CNTN5: variants seen among roughly 807,000 people sequenced by gnomAD.
CNTN5 encodes the protein contactin 5.
Under a neutral mutation model 129.1 loss-of-function variants are expected in CNTN5, and 77 were observed. The ratio of observed to expected loss-of-function variants is 0.60; its 90% CI spans 0.50 to 0.72. The LOEUF (loss-of-function observed/expected upper bound fraction) is 0.72. Among genes scored for constraint, CNTN5 ranks in the 30% least tolerant of loss-of-function variants. The pLI is 0.00. For missense variants in CNTN5, 1,478 were observed against 1,328.8 expected, an observed-to-expected ratio of 1.11 and a Z score of -1.75; for synonymous variants, 509 against 465.6, an observed-to-expected ratio of 1.09 and a Z score of -1.20.
At chr11:100,302,933 A>G (rs936724997) in intron 20 of CNTN5, among the ~76,000 whole-genome samples, 2 of 151,650 alleles carry the variant, frequency 1.3e-5, no homozygotes, top group African/African-American at 4.8e-5. Flanking sequence ...TGATCAATAA[A>G]TCACTTGGGA....
chr11:99,290,302 G>A (rs1385660625), intron 1 of CNTN5, among the ~76,000 whole-genome samples: 1 of 151,732 alleles, frequency 6.6e-6, no homozygotes, highest in Non-Finnish European at 1.5e-5. Flanking sequence ...AAATACTTGT[G>A]CTTGTAATTT....
chr11:99,282,839 A>T (rs1214258562), intron 1 of CNTN5, among the ~76,000 whole-genome samples: 1 of 152,040 alleles, frequency 6.6e-6, no homozygotes, highest in African/African-American at 2.4e-5. Flanking sequence ...GTAATGTCAG[A>T]CCTGGGAGTC....
intron 16 of CNTN5, among the ~76,000 whole-genome samples, chr11:100,231,510 G>A (rs1221420567): frequency 2.6e-5 from 4 of 152,126 alleles, no homozygotes; most frequent in South Asian, 2.1e-4. Flanking sequence ...GAGGGACACC[G>A]TATACTCTAG....
intron 2 of CNTN5, among the ~76,000 whole-genome samples, chr11:99,541,594 T>C (rs1233123504): frequency 6.6e-6 from 1 of 152,114 alleles, no homozygotes; most frequent in African/African-American, 2.4e-5. Flanking sequence ...AGGGAAATCC[T>C]CAAATCATGT....
rs139122684 is a variant in CNTN5 at position 99,235,286 on chromosome 11, A to G, written c.-209-90060A>G. On this transcript the variant is annotated intron_variant, in intron 1 of 24. Coordinates refer to ENST00000524871, the MANE Select transcript of CNTN5 (RefSeq NM_014361.4). Reference sequence around the variant, plus strand: ...AAAATAAAAGCAAGAAAAAATAAGGATATGTCTTTATTTGCTTTTATATAG... The same window carrying G: ...AAAATAAAAGCAAGAAAAAATAAGGGTATGTCTTTATTTGCTTTTATATAG... 1.1e-3 allele frequency among the ~76,000 whole-genome samples: 166 copies of G among 152,226 alleles called. 1 individual carries two copies. The highest frequency in any genetic ancestry group is 3.4e-3 in the African/African-American group (142 of 41,544).
rs373945124 is a variant in CNTN5 at position 100,299,362 on chromosome 11, T to C, written c.2586T>C (p.Phe862=). 1.6e-5 allele frequency: 26 copies of C among 1,609,160 alleles called. No homozygotes were observed. The African/African-American group carries it at 3.1e-4, about 19-fold the overall frequency. ...GVYNNKGDGP[F]SQIVVICSAE... ...ATAACAATAAAGGAGATGGGCCTTT[T>C]AGTCAAATTGTGGTCATCTGTTCAG... Residue 862 remains phenylalanine, a synonymous_variant, in exon 20 of 25, where the codon TTT becomes TTC. Coordinates refer to ENST00000524871, the MANE Select transcript of CNTN5 (RefSeq NM_014361.4).
At chr11:100,215,450 A>T (rs1949119103) in intron 15 of CNTN5, among the ~76,000 whole-genome samples, 1 of 152,186 alleles carries the variant, frequency 6.6e-6, no homozygotes. Context: ...GGCCGAACAG[A>T]TTCTTTGTAC....
At chr11:99,477,654 C>T (rs1297070679) in intron 2 of CNTN5, among the ~76,000 whole-genome samples, 1 of 151,546 alleles carries the variant, frequency 6.6e-6, no homozygotes, top group East Asian at 1.9e-4. Context: ...AATAACCCTT[C>T]AAGGAAGATC....
At chr11:100,294,715 T>C (rs981525914) in intron 18 of CNTN5, among the ~76,000 whole-genome samples, 4 of 151,676 alleles carry the variant, frequency 2.6e-5, no homozygotes, top group African/African-American at 9.7e-5. Flanking sequence ...ATTAGATATT[T>C]GATTATATTA....
chr11:100,121,752 C>T (rs1274629939), intron 13 of CNTN5, among the ~76,000 whole-genome samples: 1 of 151,888 alleles, frequency 6.6e-6, no homozygotes, highest in African/African-American at 2.4e-5. Flanking sequence ...CTCTTGTTTT[C>T]TTTTCATGGA....
chr11:100,027,202 G>A (rs2137593383), intron 9 of CNTN5, among the ~76,000 whole-genome samples: 1 of 152,168 alleles, frequency 6.6e-6, no homozygotes, highest in South Asian at 2.1e-4. Flanking sequence ...ACATTTTCCT[G>A]ATTCTTTGCA....
intron 3 of CNTN5, among the ~76,000 whole-genome samples, chr11:99,796,467 G>A (rs898071058): frequency 1.7e-4 from 26 of 152,194 alleles, no homozygotes; most frequent in African/African-American, 3.6e-4. Context: ...GGGTAAGTGC[G>A]AGTGACCTGG....
chr11:99,533,724 G>A (rs542448009), intron 2 of CNTN5, among the ~76,000 whole-genome samples: 7 of 152,344 alleles, frequency 4.6e-5, no homozygotes, highest in South Asian at 2.1e-4. Context: ...CATTTAGTCC[G>A]AAATATGTGT....
At chr11:99,805,289 G>T (rs559175043) in intron 3 of CNTN5, among the ~76,000 whole-genome samples, 1 of 152,216 alleles carries the variant, frequency 6.6e-6, no homozygotes, top group Admixed American at 6.5e-5. Flanking sequence ...ACTTCTGGAG[G>T]TTGGGTTAAA....
intron 3 of CNTN5, among the ~76,000 whole-genome samples, chr11:99,607,733 A>G (rs906056055): frequency 8.1e-6 from 1 of 122,884 alleles, no homozygotes; most frequent in African/African-American, 2.8e-5. Context: ...GATTAAGAAA[A>G]TGTGGCACAT....
At chr11:100,276,301 A>C (rs1043540962) in intron 18 of CNTN5, among the ~76,000 whole-genome samples, 1 of 152,094 alleles carries the variant, frequency 6.6e-6, no homozygotes, top group Non-Finnish European at 1.5e-5. Flanking sequence ...GCACTTTGGG[A>C]CGCTGAAGCA....
At chr11:99,951,000 C>G (rs1412951305) in intron 7 of CNTN5, among the ~76,000 whole-genome samples, 1 of 152,106 alleles carries the variant, frequency 6.6e-6, no homozygotes, top group Non-Finnish European at 1.5e-5. Context: ...ATAATAATAA[C>G]TATATTTCTG....
At position 99,769,654 on chromosome 11, in the gene CNTN5, T is replaced by C. The variant is rs571170215; in HGVS notation, c.56-49890T>C. Among the ~76,000 whole-genome samples, 29 of 151,940 alleles carry C rather than the reference T, an allele frequency of 1.9e-4. 1 individual carries two copies. The South Asian group carries it at 5.6e-3, about 29-fold the overall frequency. ...GAGTTGGAGAGCAGCCTGGGAAACA[T>C]AGCGAAACCCCCAGCCAGGTGTGGT... On this transcript the variant is annotated intron_variant, in intron 3 of 24. Transcript: ENST00000524871.
chr11:100,330,836 T>C (rs1336300142), intron 21 of CNTN5, among the ~76,000 whole-genome samples: 1 of 152,134 alleles, frequency 6.6e-6, no homozygotes, highest in East Asian at 1.9e-4. Flanking sequence ...GCTCTAAATC[T>C]TGAAACAAAT....
Sources: gnomAD v4.1 joint callset for allele counts (sites outside exome capture counted in the v4.1 genomes callset) on GRCh38, gnomAD v4.1.1 for gene constraint, MANE v1.5 for transcripts, NCBI Gene and HGNC (gene_info 2026-07-23, HGNC 2026-07-21) for gene names.